The following KCND2 variants were observed in gnomAD, a reference collection of about 807,000 sequenced individuals.
The protein encoded by KCND2 is potassium voltage-gated channel subfamily D member 2.
A neutral mutation model predicts 54.4 loss-of-function variants in KCND2; 16 were observed. That is an observed-to-expected ratio of 0.29 (90% CI 0.20 to 0.45). The LOEUF is 0.45. Ranked by LOEUF, KCND2 falls within the 20% of genes least tolerant of loss-of-function variation. The pLI is 1.00. For synonymous variants in KCND2, 317 were observed against 310.7 expected (o/e 1.02, Z -0.21); for missense variants, 486 against 824.2 (o/e 0.59, Z 5.02).
intron 1 of KCND2, among the ~76,000 whole-genome samples, chr7:120,699,069 A>G (rs1481141007): frequency 1.3e-5 from 2 of 152,052 alleles, no homozygotes; most frequent in African/African-American, 4.8e-5. Context: ...TCATGAGGTC[A>G]GGAGATCGAG....
intron 1 of KCND2, among the ~76,000 whole-genome samples, chr7:120,571,513 A>G (rs1218305045): frequency 1.3e-5 from 2 of 152,176 alleles, no homozygotes; most frequent in East Asian, 3.9e-4. Flanking sequence ...TGCATTGAGG[A>G]TATCTTACCT....
intron 1 of KCND2, among the ~76,000 whole-genome samples, chr7:120,295,329 A>C (rs1799492919): frequency 6.7e-6 from 1 of 149,990 alleles, no homozygotes; most frequent in African/African-American, 2.5e-5. Context: ...TCTGCCCTGA[A>C]AAAATATGTC....
chr7:120,344,536 C>T lies in KCND2; in HGVS notation c.1115+68789C>T, dbSNP rs896812624. Among the ~76,000 whole-genome samples the T allele has an allele frequency of 3.3e-5, 5 of 152,072 alleles. No individual in the cohort carries two copies. The South Asian group carries it at 6.2e-4, about 19-fold the overall frequency. ...TAAGAAGATAATGTTGCAATAGCAC[C>T]GACTGAAGGATAAGATAGGATGGGG... is the stretch of plus-strand genomic sequence containing the variant. On this transcript the variant is annotated intron_variant, in intron 1 of 5. Transcript: ENST00000331113.
At chr7:120,339,467 A>G (rs1020253216) in intron 1 of KCND2, among the ~76,000 whole-genome samples, 2 of 152,002 alleles carry the variant, frequency 1.3e-5, no homozygotes, top group Non-Finnish European at 2.9e-5. Context: ...TCATATTTCA[A>G]TTAGTGAGGA....
chr7:120,517,176 G>A (rs1238144579), intron 1 of KCND2, among the ~76,000 whole-genome samples: 1 of 151,942 alleles, frequency 6.6e-6, no homozygotes, highest in Admixed American at 6.6e-5. Flanking sequence ...ACCAAAATTG[G>A]ATTTGCACAC....
At chr7:120,603,971 C>T (rs1302687671) in intron 1 of KCND2, among the ~76,000 whole-genome samples, 2 of 152,260 alleles carry the variant, frequency 1.3e-5, no homozygotes, top group African/African-American at 4.8e-5. Context: ...AGGACTGAAT[C>T]TCACCTCTTG....
At chr7:120,528,888 A>G (rs1251158565) in intron 1 of KCND2, among the ~76,000 whole-genome samples, 1 of 152,226 alleles carries the variant, frequency 6.6e-6, no homozygotes, top group Non-Finnish European at 1.5e-5. Flanking sequence ...CCAAATTGAC[A>G]ATCATGTTTA....
intron 1 of KCND2, among the ~76,000 whole-genome samples, chr7:120,724,139 A>G (rs1792702872): frequency 6.6e-6 from 1 of 152,142 alleles, no homozygotes; most frequent in African/African-American, 2.4e-5. Context: ...ATTGGTTCCA[A>G]TTATTTGCTC....
chr7:120,290,791 T>G (rs1799424808), intron 1 of KCND2, among the ~76,000 whole-genome samples: 1 of 152,036 alleles, frequency 6.6e-6, no homozygotes, highest in African/African-American at 2.4e-5. Flanking sequence ...GGATGCTTCC[T>G]GATGTGGCTA....
At chr7:120,535,635 C>T (rs1325744500) in intron 1 of KCND2, among the ~76,000 whole-genome samples, 1 of 152,172 alleles carries the variant, frequency 6.6e-6, no homozygotes, top group Non-Finnish European at 1.5e-5. Flanking sequence ...GTACTATTCA[C>T]AACAGTTGTG....
chr7:120,593,981 T>G (rs1212946751), intron 1 of KCND2, among the ~76,000 whole-genome samples: 1 of 152,194 alleles, frequency 6.6e-6, no homozygotes, highest in East Asian at 1.9e-4. Context: ...TCTGCCAAAC[T>G]GCCAGAGGCT....
intron 1 of KCND2, among the ~76,000 whole-genome samples, chr7:120,503,673 C>T (rs775065980): frequency 5.3e-5 from 8 of 151,832 alleles, no homozygotes; most frequent in Non-Finnish European, 1.0e-4. Flanking sequence ...CCTCAGTATC[C>T]TCTATATTTA....
intron 1 of KCND2, among the ~76,000 whole-genome samples, chr7:120,564,307 C>G (rs983454951): frequency 6.6e-6 from 1 of 152,114 alleles, no homozygotes; most frequent in Non-Finnish European, 1.5e-5. Context: ...TCTTCTTGTG[C>G]AGAACTCCAT....
chr7:120,394,289 G>A (rs1020948963), intron 1 of KCND2, among the ~76,000 whole-genome samples: 1 of 151,930 alleles, frequency 6.6e-6, no homozygotes, highest in African/African-American at 2.4e-5. Context: ...GGCTGGGGAT[G>A]CAATCATAGG....
chr7:120,352,323 A>G (rs1800421849), intron 1 of KCND2, among the ~76,000 whole-genome samples: 1 of 151,782 alleles, frequency 6.6e-6, no homozygotes, highest in Non-Finnish European at 1.5e-5. Context: ...TAGTTTTCCC[A>G]AATACATACA....
At chr7:120,377,101 C>T (rs1800843729) in intron 1 of KCND2, among the ~76,000 whole-genome samples, 1 of 151,872 alleles carries the variant, frequency 6.6e-6, no homozygotes. Context: ...TCTGACTCAG[C>T]TATGTATCAG....
intron 1 of KCND2, among the ~76,000 whole-genome samples, chr7:120,583,171 G>A (rs1792541873): frequency 2.6e-5 from 4 of 152,156 alleles, no homozygotes; most frequent in Middle Eastern, 6.8e-3. Flanking sequence ...CATGGATAAG[G>A]AATACAGCGT....
chr7:120,374,423 A>G lies in KCND2; in HGVS notation c.1115+98676A>G, dbSNP rs557644692. On this transcript the variant is annotated intron_variant, in intron 1 of 5. Coordinates refer to ENST00000331113, the MANE Select transcript of KCND2 (RefSeq NM_012281.3). ...TGCCTCCCACTCCCCCAACCCCCGA[A>G]AAAGTGGATTCGAACTAGGGTTAAT... Among the ~76,000 whole-genome samples, 70 of 151,846 alleles carry G rather than the reference A, an allele frequency of 4.6e-4. No individual in the cohort carries two copies. In the South Asian group the frequency reaches 0.013, roughly 28 times the overall value.
intron 1 of KCND2, among the ~76,000 whole-genome samples, chr7:120,326,427 CATA>C (rs1394612531): frequency 2.0e-5 from 3 of 152,010 alleles, no homozygotes; most frequent in Admixed American, 6.6e-5. Flanking sequence ...CAATAATATT[CATA>C]ATAATCTATT....
Sources: allele counts gnomAD v4.1 joint callset (sites outside exome capture counted in the v4.1 genomes callset), GRCh38; gene constraint gnomAD v4.1.1; transcripts MANE v1.5; gene names NCBI Gene and HGNC (gene_info 2026-07-23, HGNC 2026-07-21).